CADM1: variants seen among roughly 807,000 people sequenced by gnomAD.
The protein encoded by CADM1 is TSLC-1.
In CADM1, 15 loss-of-function variants were observed where a neutral mutation model predicts 53.1. That is an observed-to-expected ratio of 0.28 (90% CI 0.19 to 0.44). The LOEUF (loss-of-function observed/expected upper bound fraction) is 0.44. Among genes scored for constraint, CADM1 ranks in the 20% least tolerant of loss-of-function variants. The pLI is 1.00. For missense variants in CADM1, 434 were observed against 611.3 expected, an observed-to-expected ratio of 0.71 and a Z score of 3.06; for synonymous variants, 281 against 243.0, an observed-to-expected ratio of 1.16 and a Z score of -1.45.
At chr11:115,255,355 C>G (rs1269479260) in intron 1 of CADM1, among the ~76,000 whole-genome samples, 1 of 152,192 alleles carries the variant, frequency 6.6e-6, no homozygotes, top group East Asian at 1.9e-4. Flanking sequence ...CCAGTCCCCT[C>G]AGAGCTTTGC....
chr11:115,368,210 C>T (rs1334963341), intron 1 of CADM1, among the ~76,000 whole-genome samples: 1 of 138,956 alleles, frequency 7.2e-6, no homozygotes, highest in African/African-American at 2.7e-5. Context: ...TCAGGTGTGG[C>T]ACGGTTACCA....
At chr11:115,232,663 CAAT>C (rs1266829723) in intron 3 of CADM1, among the ~76,000 whole-genome samples, 12 of 152,046 alleles carry the variant, frequency 7.9e-5, no homozygotes, top group South Asian at 4.2e-4. Context: ...GTGATGGTGA[CAAT>C]GATGATGATG....
At chr11:115,378,316 G>T (rs1946490097) in intron 1 of CADM1, among the ~76,000 whole-genome samples, 1 of 152,034 alleles carries the variant, frequency 6.6e-6, no homozygotes, top group Admixed American at 6.6e-5. Context: ...TGCACCTTGA[G>T]AATTAAACAG....
chr11:115,496,098 GAC>G (rs1370009059), intron 1 of CADM1, among the ~76,000 whole-genome samples: 1 of 152,184 alleles, frequency 6.6e-6, no homozygotes, highest in African/African-American at 2.4e-5. Context: ...ACCAAATGGA[GAC>G]AATACATTTT....
chr11:115,393,277 A>G (rs1250473710), intron 1 of CADM1, among the ~76,000 whole-genome samples: 3 of 151,752 alleles, frequency 2.0e-5, no homozygotes, highest in Admixed American at 1.3e-4. Flanking sequence ...AAAAATATTA[A>G]TATCAAGAAT....
In CADM1 at chr11:115,352,260, A is replaced by G. The variant is rs1272594372; in HGVS notation, c.125-111840T>C. On this transcript the variant is annotated intron_variant, in intron 1 of 11. Transcript: ENST00000331581. ...CGGAAAGTCTGTCCCAGTTCTATAC[A>G]AAAGTGGAGTACTGATCCCTTTGGC... Among the ~76,000 whole-genome samples, 10 of 152,348 alleles carry G rather than the reference A, an allele frequency of 6.6e-5. No individual in the cohort carries two copies. The East Asian group carries it at 1.7e-3, about 26-fold the overall frequency.
intron 4 of CADM1, among the ~76,000 whole-genome samples, chr11:115,230,746 G>A (rs1476166242): frequency 6.6e-6 from 1 of 152,132 alleles, no homozygotes; most frequent in Non-Finnish European, 1.5e-5. Flanking sequence ...AGAACAGACT[G>A]GTGAATTGGG....
At chr11:115,383,600 A>G (rs1015323378) in intron 1 of CADM1, among the ~76,000 whole-genome samples, 3 of 152,254 alleles carry the variant, frequency 2.0e-5, no homozygotes, top group Admixed American at 1.3e-4. Context: ...GCCCACCTGC[A>G]TCAGTGGCTA....
chr11:115,300,564 G>A (rs1944193115), intron 1 of CADM1, among the ~76,000 whole-genome samples: 1 of 151,968 alleles, frequency 6.6e-6, no homozygotes, highest in Non-Finnish European at 1.5e-5. Context: ...ACATACTATC[G>A]AAATTCTGTC....
intron 1 of CADM1, chr11:115,396,832 T>C (rs370938400): frequency 2.0e-5 from 3 of 152,120 alleles, no homozygotes; most frequent in South Asian, 4.1e-4. Flanking sequence ...AGTAAATTGC[T>C]TTCTGTATAA....
chr11:115,288,144 G>A (rs1943781180), intron 1 of CADM1, among the ~76,000 whole-genome samples: 1 of 152,128 alleles, frequency 6.6e-6, no homozygotes, highest in Admixed American at 6.5e-5. Context: ...CTAGGCAAAT[G>A]GAGCAATAAA....
At chr11:115,396,483 CCAACCTT>C (rs1946999854) in intron 1 of CADM1, among the ~76,000 whole-genome samples, 2 of 152,260 alleles carry the variant, frequency 1.3e-5, no homozygotes, top group South Asian at 4.1e-4. Context: ...TATTCGTTGG[CCAACCTT>C]CAACAAGTCA....
chr11:115,475,195 TA>T (rs1283106681), intron 1 of CADM1, among the ~76,000 whole-genome samples: 1 of 152,094 alleles, frequency 6.6e-6, no homozygotes, highest in Non-Finnish European at 1.5e-5. Context: ...TTATAATACC[TA>T]ATAGAACGTA....
chr11:115,352,990 C>T (rs553926926), intron 1 of CADM1, among the ~76,000 whole-genome samples: 5 of 152,304 alleles, frequency 3.3e-5, no homozygotes, highest in South Asian at 4.2e-4. Flanking sequence ...TGAACATATG[C>T]GTGCATGCGA....
chr11:115,182,131 C>T (rs889319309), intron 10 of CADM1, among the ~76,000 whole-genome samples: 1 of 152,186 alleles, frequency 6.6e-6, no homozygotes, highest in African/African-American at 2.4e-5. Context: ...CCATGAAGTG[C>T]TGGCTTTCCT....
intron 1 of CADM1, among the ~76,000 whole-genome samples, chr11:115,405,230 G>A (rs977236866): frequency 4.6e-5 from 7 of 152,178 alleles, no homozygotes; most frequent in Non-Finnish European, 7.3e-5. Context: ...TGGGATTACA[G>A]GTGCAAGCCA....
intron 1 of CADM1, among the ~76,000 whole-genome samples, chr11:115,482,430 T>TA (rs1485269177): frequency 6.6e-6 from 1 of 152,146 alleles, no homozygotes; most frequent in African/African-American, 2.4e-5. Context: ...TAGTAAGTGA[T>TA]ACACACACAC....
At chr11:115,451,434 C>G (rs554701295) in intron 1 of CADM1, among the ~76,000 whole-genome samples, 23 of 152,312 alleles carry the variant, frequency 1.5e-4, no homozygotes, top group African/African-American at 4.3e-4. Context: ...CTAATTTCCC[C>G]TTCTTGATTA....
At chr11:115,207,537 T>C (rs1296602739) in intron 8 of CADM1, among the ~76,000 whole-genome samples, 5 of 151,604 alleles carry the variant, frequency 3.3e-5, no homozygotes, top group African/African-American at 1.2e-4. Context: ...GCTGAGTTGC[T>C]GAGATTGATT....
Sources: gnomAD v4.1 joint callset for allele counts (sites outside exome capture counted in the v4.1 genomes callset) on GRCh38, gnomAD v4.1.1 for gene constraint, MANE v1.5 for transcripts, NCBI Gene and HGNC (gene_info 2026-07-23, HGNC 2026-07-21) for gene names.